ENTREP2: variants seen among roughly 807,000 people sequenced by gnomAD.
ENTREP2 encodes the protein endosomal transmembrane epsin interactor 2, also known as protein ENTREP2.
the ENTREP2 span, among the ~76,000 whole-genome samples, chr15:29,146,675 C>T: frequency 3.1e-3 from 469 of 152,260 alleles, 2 homozygotes; most frequent in Middle Eastern, 0.01. Context: ...TGGTGGCTCA[C>T]GCCTGTAATC....
At chr15:29,578,427 G>A in the ENTREP2 span, among the ~76,000 whole-genome samples, 24,829 of 152,112 alleles carry the variant, frequency 0.16, 2,898 homozygotes, top group East Asian at 0.49. Context: ...GAAGCAAGCT[G>A]GACTCCCTGG....
chr15:29,592,974 G>C, the ENTREP2 span, among the ~76,000 whole-genome samples: 1 of 152,120 alleles, frequency 6.6e-6, no homozygotes, highest in South Asian at 2.1e-4. Flanking sequence ...CTGGCACCAT[G>C]CTTCTTGTAA....
chr15:29,322,792 T>G, the ENTREP2 span, among the ~76,000 whole-genome samples: 1 of 152,208 alleles, frequency 6.6e-6, no homozygotes, highest in South Asian at 2.1e-4. Flanking sequence ...TCCTGCCCAC[T>G]TTTCCCCTTT....
chr15:29,181,989 T>C, the ENTREP2 span, among the ~76,000 whole-genome samples: 1 of 151,882 alleles, frequency 6.6e-6, no homozygotes, highest in African/African-American at 2.4e-5. Context: ...ATGGGAAAAA[T>C]TAAGAATCAA....
At chr15:29,617,704 G>C in the ENTREP2 span, among the ~76,000 whole-genome samples, 2 of 152,250 alleles carry the variant, frequency 1.3e-5, no homozygotes, top group Non-Finnish European at 2.9e-5. Context: ...ACCAAAAGCA[G>C]AATTTCAGAT....
At chr15:29,130,161 G>T in the ENTREP2 span, among the ~76,000 whole-genome samples, 69 of 152,282 alleles carry the variant, frequency 4.5e-4, no homozygotes, top group African/African-American at 1.6e-3. Flanking sequence ...CGTGGGGCTC[G>T]AGAGGTGGTT....
chr15:29,618,066 T>A, the ENTREP2 span, among the ~76,000 whole-genome samples: 5 of 151,732 alleles, frequency 3.3e-5, no homozygotes, highest in Non-Finnish European at 7.4e-5. Context: ...TTTCTTAGAG[T>A]CTTAGAAATA....
the ENTREP2 span, among the ~76,000 whole-genome samples, chr15:29,311,732 C>T: frequency 6.6e-6 from 1 of 152,196 alleles, no homozygotes; most frequent in Admixed American, 6.5e-5. Flanking sequence ...AGAAAATCCA[C>T]TCAACATTCT....
the ENTREP2 span, among the ~76,000 whole-genome samples, chr15:29,415,345 A>G: frequency 6.6e-6 from 1 of 152,242 alleles, no homozygotes; most frequent in African/African-American, 2.4e-5. Context: ...GGCTGGTTCA[A>G]CAAGTGAAAA....
the ENTREP2 span, among the ~76,000 whole-genome samples, chr15:29,457,432 T>C: frequency 1.3e-5 from 2 of 152,218 alleles, no homozygotes; most frequent in African/African-American, 4.8e-5. Context: ...ATCTTCTGTG[T>C]CCCTTGCAGA....
chr15:29,124,179 CCA>C, the ENTREP2 span, among the ~76,000 whole-genome samples: 3 of 152,202 alleles, frequency 2.0e-5, no homozygotes, highest in African/African-American at 7.2e-5. Flanking sequence ...CTCCAGCTCC[CCA>C]CAGAGCTGAC....
At chr15:29,232,696 A>G in the ENTREP2 span, among the ~76,000 whole-genome samples, 1 of 151,338 alleles carries the variant, frequency 6.6e-6, no homozygotes, top group Non-Finnish European at 1.5e-5. Context: ...TGTTTAAGAG[A>G]CAGGGTCTCG....
At chr15:29,331,106 T>G in the ENTREP2 span, among the ~76,000 whole-genome samples, 1 of 152,310 alleles carries the variant, frequency 6.6e-6, no homozygotes, top group East Asian at 1.9e-4. Context: ...TTACATGTGG[T>G]GTGAGTTTTA....
At chr15:29,568,742 G>A in the ENTREP2 span, among the ~76,000 whole-genome samples, 3 of 149,560 alleles carry the variant, frequency 2.0e-5, no homozygotes, top group African/African-American at 4.9e-5. Flanking sequence ...AAAAGAATAG[G>A]TTAGAGCTGT....
At chr15:29,510,699 C>G in the ENTREP2 span, among the ~76,000 whole-genome samples, 313 of 151,594 alleles carry the variant, frequency 2.1e-3, 1 homozygote, top group African/African-American at 7.1e-3. Context: ...CCCAGCTACT[C>G]AGGAGGCTGA....
At chr15:29,377,823 A>AAAAAATAATAAT in the ENTREP2 span, among the ~76,000 whole-genome samples, 2 of 113,018 alleles carry the variant, frequency 1.8e-5, no homozygotes, top group Non-Finnish European at 3.5e-5. Context: ...TCTGTCTCAA[A>AAAAAATAATAAT]AATAATAATA....
At chr15:29,624,126 T>C in the ENTREP2 span, among the ~76,000 whole-genome samples, 1 of 152,256 alleles carries the variant, frequency 6.6e-6, no homozygotes, top group Admixed American at 6.5e-5. Flanking sequence ...ACTGGTACTT[T>C]CGACTTGGTT....
At chr15:29,650,479 G>A in the ENTREP2 span, among the ~76,000 whole-genome samples, 1 of 152,080 alleles carries the variant, frequency 6.6e-6, no homozygotes, top group East Asian at 1.9e-4. Context: ...TATAGTCCCA[G>A]CTACTCAGGA....
chr15:29,383,366 C>A, the ENTREP2 span, among the ~76,000 whole-genome samples: 1 of 152,194 alleles, frequency 6.6e-6, no homozygotes, highest in Admixed American at 6.5e-5. Flanking sequence ...TCACTCAAGC[C>A]GAAATCCTGG....
Sources: gnomAD v4.1 joint callset for allele counts (sites outside exome capture counted in the v4.1 genomes callset) on GRCh38, gnomAD v4.1.1 for gene constraint, MANE v1.5 for transcripts, NCBI Gene and HGNC (gene_info 2026-07-23, HGNC 2026-07-21) for gene names.